The following LRRC34 variants were observed in gnomAD, a reference collection of about 807,000 sequenced individuals.
The protein encoded by LRRC34 is leucine rich repeat containing 34, also known as leucine-rich repeat-containing protein 34.
Under a neutral mutation model 48.5 loss-of-function variants are expected in LRRC34, and 44 were observed. The observed-to-expected ratio is 0.91, with a 90% confidence interval of 0.71 to 1.17. The LOEUF is 1.17. LRRC34 is among the 50% of genes most tolerant of loss of function. The pLI, the probability that LRRC34 is intolerant of heterozygous loss-of-function variation, is 0.00. For synonymous variants in LRRC34, 192 were observed against 197.6 expected (o/e 0.97, Z 0.24); for missense variants, 502 against 563.0 (o/e 0.89, Z 1.10).
chr3:169,800,583 C>G, intron 7 of LRRC34, 76 bp downstream of exon 7: 1 of 832,302 alleles, frequency 1.2e-6, no homozygotes, highest in Non-Finnish European at 1.9e-6. Context: ...TATTCATGTA[C>G]CTTGACATAA....
chr3:169,808,766 C>G, intron 1 of LRRC34, 21 bp from the exon 2 acceptor site: 7 of 1,223,546 alleles, frequency 5.7e-6, no homozygotes, highest in Non-Finnish European at 8.3e-6. Context: ...TATGCATCCT[C>G]TATCACATAT....
intron 1 of LRRC34, among the ~76,000 whole-genome samples, chr3:169,810,966 A>G (rs1779541992): frequency 6.6e-6 from 1 of 152,234 alleles, no homozygotes; most frequent in African/African-American, 2.4e-5. Context: ...TCGGAGGCTG[A>G]GGCGACAGAA....
rs903582350 is a variant in LRRC34, at chr3:169,812,485, G to T, written c.64C>A (p.Arg22Ser). 8.5e-6 allele frequency: 13 copies of T among 1,528,194 alleles called. No individual in the cohort carries two copies. The highest frequency in any genetic ancestry group is 5.0e-5 in the East Asian group (2 of 39,772). The allele number at this position is 1,528,194 out of a possible 1,614,324, so 94.7% of individuals were successfully genotyped here. ...CAAGCCGGGGACCTGGCCGGCGCAC[G>T]GGCGGCCTCCCGGGAGCTCCCCATG... ...RSMGSSREAA[R>S]APARSPAWAS... The change falls in exon 1 of 11, where the codon CGT (arginine) becomes AGT (serine). Residue 22 changes from arginine (R) to serine (S), a missense_variant. Coordinates refer to ENST00000446859, the MANE Select transcript of LRRC34 (RefSeq NM_001172779.2). This position sits in a 1 kb window ranked among gnomAD's most constrained non-coding sequence, Gnocchi z 4.3.
rs1778983427 is a variant in LRRC34 at position 169,796,243 on chromosome 3, AG to A, written c.1034del (p.Thr345IlefsTer14). 3.7e-6 allele frequency: 6 copies of A among 1,611,110 alleles called. No homozygotes were observed. The highest frequency in any genetic ancestry group is 5.1e-6 in the Non-Finnish European group (6 of 1,179,192). On this transcript the variant is annotated frameshift_variant, in exon 9 of 11. Transcript: ENST00000446859. LOFTEE classifies it high-confidence loss of function. ...ENAGANYLSETLTSHNRSLKA... is the reference protein window; with the variant it reads ...ENAGANYLSEXLTSHNRSLKA... ...TAAGACTCCTGTTGTGTGAAGTAAG[AG>A]TTTCACTGAGATAGTTTGCGCCTGC...
chr3:169,803,255 G>A (rs1200517124), intron 6 of LRRC34, among the ~76,000 whole-genome samples: 4 of 152,090 alleles, frequency 2.6e-5, no homozygotes, highest in South Asian at 2.1e-4. Flanking sequence ...CCATGCTGGA[G>A]TACAGTGGAT....
In LRRC34 at chr3:169,807,908, A is replaced by C. The variant is rs1249617137; in HGVS notation, c.258-199T>G. 18 of 587,852 alleles carry C rather than the reference A, an allele frequency of 3.1e-5. No individual in the cohort carries two copies. In the South Asian group the frequency reaches 4.5e-4, roughly 15 times the overall value. The allele number at this position is 587,852 out of a possible 1,614,324, so 36.4% of individuals were successfully genotyped here. On this transcript the variant is annotated intron_variant, in intron 2 of 10. Transcript: ENST00000446859. ...ACTACTGAACATTCTGCAGACTGCA[A>C]AGTGCTTTAAAAGATTCCATATATT...
At chr3:169,799,939 C>T (rs1779132630) in intron 7 of LRRC34, among the ~76,000 whole-genome samples, 1 of 152,136 alleles carries the variant, frequency 6.6e-6, no homozygotes, top group South Asian at 2.1e-4. Context: ...TCTCAAACTC[C>T]TGACCTCAGG....
At chr3:169,811,641 T>C (rs904898482) in intron 1 of LRRC34, among the ~76,000 whole-genome samples, 2 of 152,216 alleles carry the variant, frequency 1.3e-5, no homozygotes, top group Admixed American at 1.3e-4. Flanking sequence ...AGGACTTACT[T>C]AGGAGGTAGA....
At chr3:169,803,792 C>T (rs1177652092) in intron 6 of LRRC34, among the ~76,000 whole-genome samples, 2 of 152,158 alleles carry the variant, frequency 1.3e-5, no homozygotes, top group South Asian at 2.1e-4. Flanking sequence ...TTAAAGTGAA[C>T]ATGATCTTTT....
chr3:169,809,199 CTTTTTT>C (rs35059929), intron 1 of LRRC34, among the ~76,000 whole-genome samples: 6 of 113,364 alleles, frequency 5.3e-5, no homozygotes, highest in Middle Eastern at 4.3e-3. Flanking sequence ...CTCAAGGTTT[CTTTTTT>C]TTTTTTTTTT....
At chr3:169,804,285 G>A (rs1277804708) in intron 5 of LRRC34, 104 bp from the exon 6 acceptor site, 6 of 937,756 alleles carry the variant, frequency 6.4e-6, no homozygotes, top group Non-Finnish European at 7.6e-6. Flanking sequence ...CAATTTTCAT[G>A]GAGCTAGAAC....
intron 6 of LRRC34, 67 bp downstream of exon 6, chr3:169,803,986 G>T: frequency 7.2e-7 from 1 of 1,391,150 alleles, no homozygotes; most frequent in South Asian, 1.8e-5. Flanking sequence ...TCATTCATAA[G>T]ACTCTGATTT....
chr3:169,795,898 C>A (rs1295200327), intron 9 of LRRC34: 7 of 1,159,926 alleles, frequency 6.0e-6, no homozygotes, highest in Non-Finnish European at 7.5e-6. Flanking sequence ...GTATTTTATT[C>A]TTTAGTTCAT....
Position 169,802,375 on chromosome 3 carries a change from A to G in LRRC34, c.658-1621T>C, listed in dbSNP as rs546489989. Reference sequence around the variant, plus strand: ...GAAGGTTCTGACATGGACACTCTCCATGAGTTTTTTCTCATCCTTCATAAC... The same window carrying G: ...GAAGGTTCTGACATGGACACTCTCCGTGAGTTTTTTCTCATCCTTCATAAC... On this transcript the variant is annotated intron_variant, in intron 6 of 10. Coordinates refer to ENST00000446859, the MANE Select transcript of LRRC34 (RefSeq NM_001172779.2). 1.1e-3 allele frequency among the ~76,000 whole-genome samples: 174 copies of G among 152,298 alleles called. 1 individual carries two copies. Among genetic ancestry groups the G allele is most frequent in the Non-Finnish European group, 2.0e-3 (134 of 68,030 alleles).
At chr3:169,797,141 G>A (rs1044705180) in intron 7 of LRRC34, 21 of 274,490 alleles carry the variant, frequency 7.7e-5, no homozygotes, top group African/African-American at 4.6e-4. Context: ...CTACCTAAGT[G>A]ATGTAAAAGA....
Position 169,793,781 on chromosome 3 carries a change from G to C in LRRC34, c.1249C>G (p.Pro417Ala), listed in dbSNP as rs200806299. ...CLKPDNTDVEPFVVDGRVYLA... is the reference protein window; with the variant it reads ...CLKPDNTDVEAFVVDGRVYLA... ...TATACACGTCCATCTACCACAAATG[G>C]CTCCACATCTGTATTGTCTGGTTTT... Residue 417 changes from proline (P) to alanine (A), a missense_variant, in exon 11 of 11, where the codon CCA becomes GCA. Coordinates refer to ENST00000446859, the MANE Select transcript of LRRC34 (RefSeq NM_001172779.2). 10 of 1,613,450 alleles carry C rather than the reference G, an allele frequency of 6.2e-6. No individual in the cohort carries two copies. Among genetic ancestry groups the C allele is most frequent in the Admixed American group, 1.7e-5 (1 of 59,964 alleles).
At chr3:169,796,463 T>A (rs1413428985) in intron 8 of LRRC34, 94 bp from the exon 9 acceptor site, 14 of 1,371,490 alleles carry the variant, frequency 1.0e-5, no homozygotes, top group African/African-American at 3.0e-5. Context: ...TACTTTCTGT[T>A]TTAGTAAAGG....
intron 7 of LRRC34, among the ~76,000 whole-genome samples, chr3:169,799,843 G>A (rs1343928454): frequency 6.6e-6 from 1 of 152,104 alleles, no homozygotes; most frequent in East Asian, 1.9e-4. Context: ...CTCCCAAGTA[G>A]CTGGGATTAC....
At chr3:169,800,889 T>C in intron 6 of LRRC34, 135 bp from the exon 7 acceptor site, 1 of 625,392 alleles carries the variant, frequency 1.6e-6, no homozygotes, top group South Asian at 2.0e-5. Flanking sequence ...CTTTGAATTG[T>C]AAGTTGATCA....
Sources: gnomAD v4.1 joint callset for allele counts (sites outside exome capture counted in the v4.1 genomes callset) on GRCh38, gnomAD v4.1.1 for gene constraint, Gnocchi (gnomAD v3.1) non-coding constraint, MANE v1.5 for transcripts, NCBI Gene and HGNC (gene_info 2026-07-23, HGNC 2026-07-21) for gene names.